Variants in SLC10A1 observed in about 807,000 individuals in gnomAD.
SLC10A1 encodes solute carrier family 10 member 1.
A neutral mutation model predicts 20.5 loss-of-function variants in SLC10A1; 36 were observed. The observed-to-expected ratio is 1.75, with a 90% CI of 1.34 to 2.32. The LOEUF (loss-of-function observed/expected upper bound fraction) is 2.32. Among genes scored for constraint, SLC10A1 ranks in the 30% most tolerant of loss-of-function variants. The probability of loss-of-function intolerance (pLI) is 0.00; values close to 1 mark genes in which losing one functional copy is unlikely to be tolerated. For missense variants in SLC10A1, 545 were observed against 439.1 expected (o/e 1.24, Z -2.16); for synonymous variants, 188 against 163.6 (o/e 1.15, Z -1.14).
chr14:69,786,647 A>G (rs1371412591), intron 1 of SLC10A1, among the ~76,000 whole-genome samples: 1 of 151,304 alleles, frequency 6.6e-6, no homozygotes, highest in Non-Finnish European at 1.5e-5. Context: ...CGCATTGAGC[A>G]CCTCCCCCAT....
intron 1 of SLC10A1, among the ~76,000 whole-genome samples, chr14:69,790,667 T>C (rs1883815048): frequency 6.6e-6 from 1 of 152,070 alleles, no homozygotes; most frequent in Non-Finnish European, 1.5e-5. Flanking sequence ...TTAGAAAAAG[T>C]ATATTAAACG....
At chr14:69,793,132 G>A (rs116369711) in intron 1 of SLC10A1, among the ~76,000 whole-genome samples, 1 of 152,278 alleles carries the variant, frequency 6.6e-6, no homozygotes, top group African/African-American at 2.4e-5. Flanking sequence ...CTAGAGCAGA[G>A]GAATCATGCT....
chr14:69,785,645 G>T (rs1233077163), intron 2 of SLC10A1, among the ~76,000 whole-genome samples: 8 of 150,762 alleles, frequency 5.3e-5, no homozygotes, highest in South Asian at 2.1e-4. Flanking sequence ...GGCCCAGGCG[G>T]GAGTGCAGTG....
chr14:69,781,262 C>G (rs1214595992), intron 2 of SLC10A1, among the ~76,000 whole-genome samples: 1 of 152,236 alleles, frequency 6.6e-6, no homozygotes, highest in Admixed American at 6.5e-5. Context: ...TCTACAACCC[C>G]TGTCTCCTGC....
chr14:69,778,316 ATAATT>A lies in SLC10A1; in HGVS notation c.943+12_943+16del, dbSNP rs1883497143. ...TATTGGAGCAGAACTTGAAGTGGGG[ATAATT>A]TCAGTACTCACCCTTGGGAGTCTTG... On this transcript the variant is annotated intron_variant, in intron 4 of 4. Coordinates refer to ENST00000216540, the MANE Select transcript of SLC10A1 (RefSeq NM_003049.4). 6.4e-7 allele frequency: 1 copy of A among 1,561,276 alleles called. No individual in the cohort carries two copies. Among genetic ancestry groups the A allele is most frequent in the Non-Finnish European group, 8.7e-7 (1 of 1,155,878 alleles).
At chr14:69,777,550 T>G (rs575272550) in intron 4 of SLC10A1, among the ~76,000 whole-genome samples, 2 of 150,478 alleles carry the variant, frequency 1.3e-5, no homozygotes, top group East Asian at 3.9e-4. Flanking sequence ...TATAATGAAA[T>G]GTGTTATAAA....
intron 1 of SLC10A1, among the ~76,000 whole-genome samples, chr14:69,789,509 AT>A (rs1269473497): frequency 7.9e-5 from 12 of 152,200 alleles, no homozygotes; most frequent in Non-Finnish European, 1.6e-4. Context: ...AGACAGAAAG[AT>A]TAGTGGTTGT....
intron 1 of SLC10A1, among the ~76,000 whole-genome samples, chr14:69,794,408 G>T (rs2139723263): frequency 6.6e-6 from 1 of 152,268 alleles, no homozygotes; most frequent in African/African-American, 2.4e-5. Flanking sequence ...AAAAGCACAG[G>T]TTCCGGAGCC....
chr14:69,779,386 A>G (rs1480852721), intron 2 of SLC10A1, 26 bp from the exon 3 acceptor site: 1 of 1,591,724 alleles, frequency 6.3e-7, no homozygotes, highest in Non-Finnish European at 8.6e-7. Context: ...AGAAAAGGCA[A>G]TTAGAAGAGT....
chr14:69,793,244 C>T (rs568116144), intron 1 of SLC10A1, among the ~76,000 whole-genome samples: 11 of 152,266 alleles, frequency 7.2e-5, no homozygotes, highest in African/African-American at 2.6e-4. Context: ...GTACTTCCTC[C>T]ACTTGCACAG....
At position 69,779,295 on chromosome 14, in the gene SLC10A1, C is replaced by G; in HGVS notation, c.633G>C (p.Gly211=). Residue 211 remains glycine, a synonymous_variant, in exon 3 of 5, where the codon GGG becomes GGC. Coordinates refer to ENST00000216540, the MANE Select transcript of SLC10A1 (RefSeq NM_003049.4). ...GTGTCATGGCAAACATGATGCTCTT[C>G]CCCACATTGATGGCAGAGAGAACTG... ...AVTVLSAINV[G]KSIMFAMTPL... is the part of the protein sequence containing the mutation. 1.9e-6 allele frequency: 3 copies of G among 1,613,974 alleles called. No homozygotes were observed. The highest frequency in any genetic ancestry group is 2.5e-6 in the Non-Finnish European group (3 of 1,179,948).
At chr14:69,795,335 C>T (rs1002566165) in intron 1 of SLC10A1, among the ~76,000 whole-genome samples, 3 of 152,004 alleles carry the variant, frequency 2.0e-5, no homozygotes, top group Non-Finnish European at 4.4e-5. Flanking sequence ...AAAAAGAGCC[C>T]AGAGCTTCTC....
At chr14:69,796,779 C>G (rs752257139) in intron 1 of SLC10A1, 21 bp downstream of exon 1, 15 of 1,587,978 alleles carry the variant, frequency 9.4e-6, no homozygotes, top group African/African-American at 1.3e-5. Flanking sequence ...CAGGCTGTTC[C>G]CTCCTCACCC....
intron 2 of SLC10A1, among the ~76,000 whole-genome samples, chr14:69,780,237 ACATAGGATG>A (rs1267197526): frequency 6.6e-6 from 1 of 152,254 alleles, no homozygotes; most frequent in Non-Finnish European, 1.5e-5. Flanking sequence ...TCATTGTGCA[ACATAGGATG>A]CAACCTTTCA....
At chr14:69,791,761 TTACAAA>T (rs1164794678) in intron 1 of SLC10A1, among the ~76,000 whole-genome samples, 1 of 152,174 alleles carries the variant, frequency 6.6e-6, no homozygotes, top group Non-Finnish European at 1.5e-5. Context: ...AGAGATGTCA[TTACAAA>T]TACCTGGAGA....
chr14:69,777,216 A>G (rs184772222), intron 4 of SLC10A1, among the ~76,000 whole-genome samples: 1 of 152,356 alleles, frequency 6.6e-6, no homozygotes, highest in Non-Finnish European at 1.5e-5. Context: ...GCATCAGAGT[A>G]GATTCTTTCT....
At chr14:69,782,076 G>A (rs1053054889) in intron 2 of SLC10A1, among the ~76,000 whole-genome samples, 1 of 152,182 alleles carries the variant, frequency 6.6e-6, no homozygotes, top group African/African-American at 2.4e-5. Flanking sequence ...AGCCATAGAA[G>A]CAAGGAAACC....
At chr14:69,780,840 C>T (rs902684669) in intron 2 of SLC10A1, among the ~76,000 whole-genome samples, 1 of 152,146 alleles carries the variant, frequency 6.6e-6, no homozygotes, top group Admixed American at 6.5e-5. Context: ...TTCTGTCTTT[C>T]GAATTTGTCC....
chr14:69,783,306 A>G (rs1883640547), intron 2 of SLC10A1, among the ~76,000 whole-genome samples: 2 of 152,178 alleles, frequency 1.3e-5, no homozygotes, highest in Non-Finnish European at 2.9e-5. Context: ...TTCTTGATAA[A>G]TGAGTGGGGA....
Sources: allele counts gnomAD v4.1 joint callset (sites outside exome capture counted in the v4.1 genomes callset), GRCh38; gene constraint gnomAD v4.1.1; transcripts MANE v1.5; gene names NCBI Gene and HGNC (gene_info 2026-07-23, HGNC 2026-07-21).